ERC2: variants seen among roughly 807,000 people sequenced by gnomAD.
ERC2 encodes ELKS/RAB6-interacting/CAST family member 2.
Under a neutral mutation model 114.8 loss-of-function variants are expected in ERC2, and 42 were observed. That is an observed-to-expected ratio of 0.37 (90% CI 0.29 to 0.47). The LOEUF (loss-of-function observed/expected upper bound fraction) is 0.47. Ranked by LOEUF, ERC2 falls within the 20% of genes least tolerant of loss-of-function variation. ERC2 has a pLI of 0.99. For synonymous variants in ERC2, 454 were observed against 425.5 expected, an observed-to-expected ratio of 1.07 and a Z score of -0.82; for missense variants, 939 against 1,150.7, an observed-to-expected ratio of 0.82 and a Z score of 2.66.
chr3:55,868,133 C>T (rs561066484), intron 14 of ERC2, among the ~76,000 whole-genome samples: 1 of 151,968 alleles, frequency 6.6e-6, no homozygotes, highest in South Asian at 2.1e-4. Flanking sequence ...ATTTCCTGGT[C>T]CCTTAATCTT....
At chr3:55,892,828 G>A (rs987989322) in intron 13 of ERC2, among the ~76,000 whole-genome samples, 1 of 152,044 alleles carries the variant, frequency 6.6e-6, no homozygotes, top group African/African-American at 2.4e-5. Context: ...TATGAGCAGT[G>A]CTCTATCCAC....
intron 14 of ERC2, among the ~76,000 whole-genome samples, chr3:55,848,214 G>C (rs4592994): frequency 0.36 from 54,534 of 152,038 alleles, 12,194 homozygotes; most frequent in African/African-American, 0.63. Context: ...AAGCCGTCTT[G>C]TCCTCCTTCT....
chr3:55,510,543 G>A lies in ERC2; in HGVS notation c.*773C>T, dbSNP rs1379881974. Reference sequence around the variant, plus strand: ...TGAATGATCAATTTAGATGTGCCACGCATTGTCAGAGACACACACCATGTT... The same window carrying A: ...TGAATGATCAATTTAGATGTGCCACACATTGTCAGAGACACACACCATGTT... On this transcript the variant is annotated 3_prime_UTR_variant, in exon 18 of 18. Transcript: ENST00000288221. The A allele has an allele frequency of 6.6e-6, 1 of 152,576 alleles. No individual in the cohort carries two copies. The highest frequency in any genetic ancestry group is 1.5e-5 in the Non-Finnish European group (1 of 68,032). The allele number at this position is 152,576 out of a possible 1,614,324, so 9.5% of individuals were successfully genotyped here.
chr3:55,836,955 G>T (rs1215837181), intron 14 of ERC2, among the ~76,000 whole-genome samples: 1 of 152,190 alleles, frequency 6.6e-6, no homozygotes, highest in African/African-American at 2.4e-5. Flanking sequence ...GATATGAACA[G>T]ACATTTCTCA....
chr3:55,943,166 C>A (rs1014749952), intron 13 of ERC2, among the ~76,000 whole-genome samples: 3 of 152,120 alleles, frequency 2.0e-5, no homozygotes, highest in African/African-American at 7.2e-5. Context: ...CACGATTGCA[C>A]CCTAGGGATT....
chr3:56,333,827 T>C (rs2057738541), intron 2 of ERC2, among the ~76,000 whole-genome samples: 2 of 152,208 alleles, frequency 1.3e-5, no homozygotes, highest in African/African-American at 4.8e-5. Flanking sequence ...TGAGAATTTT[T>C]TAAAACACAA....
At chr3:56,319,260 C>G (rs1044486736) in intron 2 of ERC2, among the ~76,000 whole-genome samples, 2 of 149,474 alleles carry the variant, frequency 1.3e-5, no homozygotes, top group Non-Finnish European at 3.0e-5. Flanking sequence ...AATGGATGAA[C>G]GGATAAAGAA....
chr3:56,398,334 AG>A (rs1404031665), intron 2 of ERC2, among the ~76,000 whole-genome samples: 3 of 152,204 alleles, frequency 2.0e-5, no homozygotes, highest in African/African-American at 7.2e-5. Flanking sequence ...TAAGACCGAA[AG>A]GGGTAAAGTA....
At chr3:56,405,574 A>G (rs2107016719) in intron 2 of ERC2, among the ~76,000 whole-genome samples, 1 of 152,370 alleles carries the variant, frequency 6.6e-6, no homozygotes. Context: ...TTCATAATAT[A>G]TACCATAAGA....
intron 2 of ERC2, among the ~76,000 whole-genome samples, chr3:56,409,322 C>G (rs933758267): frequency 6.6e-6 from 1 of 152,038 alleles, no homozygotes; most frequent in African/African-American, 2.4e-5. Flanking sequence ...CCAGCCAAGT[C>G]AGTCATCCTC....
intron 13 of ERC2, among the ~76,000 whole-genome samples, chr3:55,923,447 G>A (rs1164471820): frequency 6.6e-6 from 1 of 152,008 alleles, no homozygotes; most frequent in Admixed American, 6.6e-5. Context: ...GGATGACAGT[G>A]ATAGTTACAC....
intron 7 of ERC2, among the ~76,000 whole-genome samples, chr3:56,031,451 T>G (rs534306616): frequency 2.0e-5 from 3 of 152,268 alleles, no homozygotes; most frequent in Non-Finnish European, 4.4e-5. Context: ...CTGCCCAGAC[T>G]CCATCTCATG....
intron 14 of ERC2, among the ~76,000 whole-genome samples, chr3:55,829,888 A>T (rs2060496517): frequency 6.6e-6 from 1 of 152,228 alleles, no homozygotes; most frequent in East Asian, 1.9e-4. Context: ...GTGCTGAAAA[A>T]ATATTTGAAG....
intron 3 of ERC2, among the ~76,000 whole-genome samples, chr3:56,267,794 C>CA (rs2053417708): frequency 1.3e-5 from 2 of 151,522 alleles, no homozygotes; most frequent in African/African-American, 2.4e-5. Flanking sequence ...CAAAACAAAA[C>CA]AAAAAAACAG....
At chr3:55,539,706 C>T (rs532135675) in intron 17 of ERC2, among the ~76,000 whole-genome samples, 4 of 151,990 alleles carry the variant, frequency 2.6e-5, no homozygotes, top group East Asian at 3.9e-4. Flanking sequence ...GGATTACAGG[C>T]GTGAGCCACT....
Position 56,296,443 on chromosome 3 carries a change from G to A in ERC2, c.658-8C>T. On this transcript the variant is annotated splice_region_variant and splice_polypyrimidine_tract_variant and intron_variant, in intron 2 of 17. Coordinates refer to ENST00000288221, the MANE Select transcript of ERC2 (RefSeq NM_015576.3). ...GATTGTCAACTGTAGGTGCTGCAAT[G>A]AGAAAGATGGAGCGGGAGAGGAGAA... 1 of 1,596,620 alleles carries A rather than the reference G, an allele frequency of 6.3e-7. No homozygotes were observed. The highest frequency in any genetic ancestry group is 8.6e-7 in the Non-Finnish European group (1 of 1,168,988).
chr3:55,708,934 G>A (rs1187724878), intron 15 of ERC2, among the ~76,000 whole-genome samples: 1 of 138,938 alleles, frequency 7.2e-6, no homozygotes, highest in African/African-American at 2.9e-5. Flanking sequence ...GAAAAAGAAA[G>A]GAAGGAGAGA....
chr3:56,160,815 C>G (rs1318626168), intron 4 of ERC2, among the ~76,000 whole-genome samples: 1 of 152,146 alleles, frequency 6.6e-6, no homozygotes, highest in African/African-American at 2.4e-5. Context: ...TCTGGGTTCT[C>G]TATTCTATTC....
At chr3:55,525,243 C>T (rs2053234321) in intron 17 of ERC2, among the ~76,000 whole-genome samples, 2 of 152,216 alleles carry the variant, frequency 1.3e-5, no homozygotes, top group Admixed American at 6.5e-5. Context: ...TTTTCTCATT[C>T]ATTCATGCAT....
Sources: allele counts gnomAD v4.1 joint callset (sites outside exome capture counted in the v4.1 genomes callset), GRCh38; gene constraint gnomAD v4.1.1; transcripts MANE v1.5; gene names NCBI Gene and HGNC (gene_info 2026-07-23, HGNC 2026-07-21).